Variants in ALS2 observed in about 807,000 individuals in gnomAD.
ALS2 encodes alsin.
A neutral mutation model predicts 203.4 loss-of-function variants in ALS2; 117 were observed. The ratio of observed to expected loss-of-function variants is 0.58; its 90% CI spans 0.50 to 0.67. ALS2 has a LOEUF of 0.67. ALS2 is among the 30% of genes least tolerant of loss of function. ALS2 has a pLI of 0.00. For missense variants in ALS2, 1,715 were observed against 1,989.4 expected, an observed-to-expected ratio of 0.86 and a Z score of 2.62; for synonymous variants, 718 against 725.9, an observed-to-expected ratio of 0.99 and a Z score of 0.17.
intron 12 of ALS2, among the ~76,000 whole-genome samples, chr2:201,736,037 C>G (rs1691856564): frequency 6.6e-6 from 1 of 151,966 alleles, no homozygotes; most frequent in African/African-American, 2.4e-5. Context: ...TATAGGTTAA[C>G]TAAGCTATTT....
In ALS2 at chr2:201,746,742, T is replaced by G. The variant is rs1392283516; in HGVS notation, c.1822A>C (p.Ser608Arg). ...TTVPRLAKIS[S>R]ENGVWSIAAG... is the part of the protein sequence containing the mutation. ...GCTATGCTCCAGACTCCATTTTCAC[T>G]GCTTATCTGCAACGACAGAAAGATA... The change falls in exon 9 of 34, where the codon AGT becomes CGT. Residue 608 changes from serine (S) to arginine (R), a missense_variant. By Grantham distance (110) the Ser-to-Arg change is moderately radical (BLOSUM62 -1). This residue lies in a region of ALS2 where 1,227 missense variants were observed against 1,413.5 expected (regional missense o/e 0.87). Transcript: ENST00000264276. 4 of 1,614,026 alleles carry G rather than the reference T, an allele frequency of 2.5e-6. No individual in the cohort carries two copies. Among genetic ancestry groups the G allele is most frequent in the Non-Finnish European group, 3.4e-6 (4 of 1,180,040 alleles).
chr2:201,761,437 G>C lies in ALS2; in HGVS notation c.557C>G (p.Ala186Gly). The change falls in exon 4 of 34, where the codon GCC (alanine) becomes GGC (glycine). Residue 186 changes from alanine to glycine, a missense_variant. By Grantham distance (60) the Ala-to-Gly change is moderately conservative (BLOSUM62 0). Coordinates refer to ENST00000264276, the MANE Select transcript of ALS2 (RefSeq NM_020919.4). ...TGCQLGLITT[A>G]FPVTKPQKVE... The stretch of plus-strand genomic sequence containing the variant: ...CTTTTGCGGCTTTGTCACTGGGAAG[G>C]CAGTGGTAATGAGACCCAACTGACA... 6.2e-7 allele frequency: 1 copy of C among 1,607,794 alleles called. No homozygotes were observed. The highest frequency in any genetic ancestry group is 1.1e-5 in the South Asian group (1 of 90,662).
chr2:201,705,083 T>C, intron 31 of ALS2, 56 bp downstream of exon 31: 3 of 1,519,126 alleles, frequency 2.0e-6, no homozygotes, highest in Non-Finnish European at 2.7e-6. Context: ...TAATAATATC[T>C]TAATAGACCA....
At chr2:201,703,777 T>C (rs1055503643) in intron 33 of ALS2, among the ~76,000 whole-genome samples, 81 of 152,344 alleles carry the variant, frequency 5.3e-4, no homozygotes, top group African/African-American at 1.9e-3. Flanking sequence ...CCCTGTTCCA[T>C]TGAATAGCAC....
intron 7 of ALS2, among the ~76,000 whole-genome samples, chr2:201,751,823 T>C (rs144066362): frequency 0.014 from 2,057 of 152,284 alleles, 41 homozygotes; most frequent in African/African-American, 0.047. Flanking sequence ...AATTAGAATA[T>C]GTATAGCCAT....
At position 201,753,222 on chromosome 2, in the gene ALS2, T is replaced by C; in HGVS notation, c.1661A>G (p.Lys554Arg). The change falls in exon 7 of 34, where the codon AAA becomes AGA. Residue 554 changes from lysine to arginine, a missense_variant. By Grantham distance (26) the Lys-to-Arg change is conservative. Coordinates refer to ENST00000264276, the MANE Select transcript of ALS2 (RefSeq NM_020919.4). ...VLPRLQPLCVKCLDGKEVIHL... is the reference protein window; with the variant it reads ...VLPRLQPLCVRCLDGKEVIHL... ...GATTACTTCTTTGCCATCCAGACAT[T>C]TTACACACAACGGTTGAAGCCTTAA... The C allele has an allele frequency of 1.2e-6, 2 of 1,614,066 alleles. No individual in the cohort carries two copies. Among genetic ancestry groups the C allele is most frequent in the Non-Finnish European group, 1.7e-6 (2 of 1,179,988 alleles).
At chr2:201,764,126 A>G (rs1394230733) in intron 3 of ALS2, among the ~76,000 whole-genome samples, 1 of 152,206 alleles carries the variant, frequency 6.6e-6, no homozygotes, top group African/African-American at 2.4e-5. Flanking sequence ...TTATTAGGAA[A>G]TGTATAGTCT....
intron 23 of ALS2, among the ~76,000 whole-genome samples, chr2:201,719,588 G>GA (rs1484662215): frequency 7.2e-6 from 1 of 139,272 alleles, no homozygotes; most frequent in Non-Finnish European, 1.6e-5. Context: ...ACTCCGTCTC[G>GA]AAAAAAATAA....
chr2:201,733,530 C>T, intron 12 of ALS2, 92 bp from the exon 13 acceptor site: 2 of 1,111,234 alleles, frequency 1.8e-6, no homozygotes, highest in South Asian at 1.4e-5. Context: ...GTACCTCTTT[C>T]AGAATGCACA....
intron 23 of ALS2, among the ~76,000 whole-genome samples, chr2:201,721,687 G>A (rs1188877813): frequency 5.9e-5 from 9 of 151,624 alleles, no homozygotes; most frequent in Non-Finnish European, 7.4e-5. Context: ...TTTTTTAGAC[G>A]GAGTCTCGCT....
intron 1 of ALS2, among the ~76,000 whole-genome samples, chr2:201,780,393 C>T (rs1694846351): frequency 1.3e-5 from 2 of 152,192 alleles, no homozygotes; most frequent in Non-Finnish European, 1.5e-5. Context: ...TCAAGTAGCC[C>T]TTGGTCCACT....
At chr2:201,770,796 G>C (rs1173146929) in intron 1 of ALS2, among the ~76,000 whole-genome samples, 1 of 152,176 alleles carries the variant, frequency 6.6e-6, no homozygotes, top group Non-Finnish European at 1.5e-5. Flanking sequence ...AAGGAATGCA[G>C]GTGACAGGTA....
Position 201,720,957 on chromosome 2 carries a change from A to C in ALS2, c.3702+2086T>G, listed in dbSNP as rs537758906. 4.6e-5 allele frequency among the ~76,000 whole-genome samples: 7 copies of C among 152,264 alleles called. No homozygotes were observed. In the South Asian group the frequency reaches 6.2e-4, roughly 14 times the overall value. On this transcript the variant is annotated intron_variant, in intron 23 of 33. Coordinates refer to ENST00000264276, the MANE Select transcript of ALS2 (RefSeq NM_020919.4). ...AGAAATCCTAAGAAATCCACACACA[A>C]AAAAAACCACTAAAACTAATAAACG...
chr2:201,717,715 A>G (rs1254163180), intron 24 of ALS2, among the ~76,000 whole-genome samples: 4 of 151,848 alleles, frequency 2.6e-5, no homozygotes, highest in African/African-American at 7.3e-5. Flanking sequence ...AGGCTGAGGC[A>G]GGAGGATCGC....
Position 201,753,295 on chromosome 2 carries a change from G to A in ALS2, c.1641-53C>T, listed in dbSNP as rs115871668. ...AGTCAAAGTATTCTCAGCAAGAATCGTAGCCTTTCTCAAATTATAAAGTGC... is the reference window on the plus strand; with the variant it reads ...AGTCAAAGTATTCTCAGCAAGAATCATAGCCTTTCTCAAATTATAAAGTGC... On this transcript the variant is annotated intron_variant, in intron 6 of 33. Coordinates refer to ENST00000264276, the MANE Select transcript of ALS2 (RefSeq NM_020919.4). 3,776 of 1,437,490 alleles carry A rather than the reference G, an allele frequency of 2.6e-3. 69 individuals are homozygous for A. The African/African-American group carries it at 0.04, about 15-fold the overall frequency. 89.0% of individuals were successfully genotyped at this position (1,437,490 alleles called of 1,614,324 possible).
At chr2:201,706,587 TATATA>T (rs1383562318) in intron 29 of ALS2, among the ~76,000 whole-genome samples, 34 of 147,464 alleles carry the variant, frequency 2.3e-4, no homozygotes, top group African/African-American at 8.4e-4. Context: ...ACATTACTAA[TATATA>T]ATAAATATAT....
In ALS2 at chr2:201,718,173, C is replaced by T; in HGVS notation, c.3740G>A (p.Gly1247Asp). 1.2e-6 allele frequency: 2 copies of T among 1,613,554 alleles called. No individual in the cohort carries two copies. Among genetic ancestry groups the T allele is most frequent in the Non-Finnish European group, 8.5e-7 (1 of 1,179,550 alleles). Reference sequence around the variant, plus strand: ...AGATCCCCATTCTCCACTAAAATAACCTTCAATGTAGTCTCCATTTGGCAT... The same window carrying T: ...AGATCCCCATTCTCCACTAAAATAATCTTCAATGTAGTCTCCATTTGGCAT... ...LTMPNGDYIE[G>D]YFSGEWGSGI... The change falls in exon 24 of 34, where the codon GGT becomes GAT. Residue 1247 changes from glycine to aspartate, a missense_variant. Transcript: ENST00000264276.
Position 201,725,441 on chromosome 2 carries a change from T to C in ALS2, c.3262A>G (p.Arg1088Gly). ...TTGTTCATTGCCTTGTTTGGGATTC[T>C]GTATTCTCCATACCTGCCATGAAAA... ...NGLEDGYGEY[R>G]IPNKAMNKED... is the part of the protein sequence containing the mutation. Residue 1088 changes from arginine to glycine, a missense_variant, in exon 20 of 34, where the codon AGA (arginine) becomes GGA (glycine). Around this residue, in one of 3 missense-constraint regions of ALS2, gnomAD observed 1,227 missense variants for 1,413.5 expected, o/e 0.87. Coordinates refer to ENST00000264276, the MANE Select transcript of ALS2 (RefSeq NM_020919.4). The C allele has an allele frequency of 6.2e-7, 1 of 1,613,948 alleles. No individual in the cohort carries two copies. The highest frequency in any genetic ancestry group is 8.5e-7 in the Non-Finnish European group (1 of 1,179,858).
chr2:201,723,414 T>C lies in ALS2; in HGVS notation c.3540A>G (p.Gln1180=). The C allele has an allele frequency of 3.7e-6, 6 of 1,614,086 alleles. No homozygotes were observed. Among genetic ancestry groups the C allele is most frequent in the Non-Finnish European group, 5.1e-6 (6 of 1,179,970 alleles). ...TRGEKYMGMW[Q]DDVCQGNGVV... ...CACCATTCCCTTGACACACATCATC[T>C]TGCCACATTCCCATATACTTTTCCC... Residue 1180 remains glutamine (Q), a synonymous_variant, in exon 22 of 34, where the codon CAA becomes CAG. Transcript: ENST00000264276.
Sources: gnomAD v4.1 joint callset for allele counts (sites outside exome capture counted in the v4.1 genomes callset) on GRCh38, gnomAD v4.1.1 for gene constraint, gnomAD v4.1.1 regional missense constraint, MANE v1.5 for transcripts, NCBI Gene and HGNC (gene_info 2026-07-23, HGNC 2026-07-21) for gene names.